Variants in ATPSCKMT observed in about 807,000 individuals in gnomAD.
ATPSCKMT encodes ATP synthase subunit C lysine N-methyltransferase.
In ATPSCKMT, 24 loss-of-function variants were observed where a neutral mutation model predicts 24.3. The ratio of observed to expected loss-of-function variants is 0.99; its 90% CI spans 0.71 to 1.39. ATPSCKMT has a LOEUF of 1.39. ATPSCKMT is among the 40% of genes most tolerant of loss of function. ATPSCKMT has a pLI of 0.00. For synonymous variants in ATPSCKMT, 95 were observed against 110.5 expected, an observed-to-expected ratio of 0.86 and a Z score of 0.88; for missense variants, 311 against 298.4, an observed-to-expected ratio of 1.04 and a Z score of -0.31.
chr5:10,230,368 T>G (rs1187711811), intron 4 of ATPSCKMT, among the ~76,000 whole-genome samples: 1 of 152,218 alleles, frequency 6.6e-6, no homozygotes, highest in Non-Finnish European at 1.5e-5. Context: ...TATGGTAATT[T>G]TGTTCATAAA....
chr5:10,235,159 G>A (rs372156154), intron 4 of ATPSCKMT, 52 bp downstream of exon 4: 3 of 1,560,062 alleles, frequency 1.9e-6, no homozygotes, highest in Non-Finnish European at 2.6e-6. Context: ...TGGCTGGAAG[G>A]GCCTTCAACA....
At chr5:10,246,526 G>A (rs1219702186) in intron 1 of ATPSCKMT, among the ~76,000 whole-genome samples, 2 of 152,026 alleles carry the variant, frequency 1.3e-5, no homozygotes, top group African/African-American at 2.4e-5. Context: ...GTGGACTTCT[G>A]TAACTGACAT....
At position 10,227,298 on chromosome 5, in the gene ATPSCKMT, T is replaced by G; in HGVS notation, c.*143A>C. On this transcript the variant is annotated 3_prime_UTR_variant, in exon 5 of 5. Coordinates refer to ENST00000511437, the MANE Select transcript of ATPSCKMT (RefSeq NM_199133.4). ...AAATCTACCTGTTTTTCTTCGTTTG[T>G]TTTCTCCAACAGTTAAGGAAAGTAA... is the stretch of plus-strand genomic sequence containing the variant. 2.3e-6 allele frequency: 2 copies of G among 867,138 alleles called. No individual in the cohort carries two copies. The highest frequency in any genetic ancestry group is 3.4e-6 in the Non-Finnish European group (2 of 581,168). 53.7% of individuals were successfully genotyped at this position (867,138 alleles called of 1,614,324 possible). A position where few individuals can be genotyped will look rare whatever the true frequency, so the allele number is the denominator to read the frequency against.
rs1446579316 is a variant in ATPSCKMT, at chr5:10,249,681, G to T, written c.16+177C>A. ...GCCGACAAGGATCGCCAGAACCGGC[G>T]CGGGCACCGCGCGGCGACCAGGAGC... On this transcript the variant is annotated intron_variant, in intron 1 of 4. Coordinates refer to ENST00000511437, the MANE Select transcript of ATPSCKMT (RefSeq NM_199133.4). 4.9e-6 allele frequency: 5 copies of T among 1,025,232 alleles called. No individual in the cohort carries two copies. The Admixed American group carries it at 9.4e-5, about 19-fold the overall frequency. The allele number at this position is 1,025,232 out of a possible 1,614,324, so 63.5% of individuals were successfully genotyped here.
At chr5:10,229,445 G>A (rs928890390) in intron 4 of ATPSCKMT, among the ~76,000 whole-genome samples, 5 of 152,220 alleles carry the variant, frequency 3.3e-5, no homozygotes, top group Non-Finnish European at 1.5e-5. Context: ...ACACCCAGGA[G>A]GCCCTTCTGC....
chr5:10,239,165 A>G lies in ATPSCKMT; in HGVS notation c.208T>C (p.Phe70Leu), dbSNP rs1209579371. 6.2e-7 allele frequency: 1 copy of G among 1,614,158 alleles called. No individual in the cohort carries two copies. Residue 70 changes from phenylalanine (F) to leucine (L), a missense_variant, in exon 2 of 5, where the codon TTT becomes CTT. Transcript: ENST00000511437. ...TPALRKVCLP[F>L]VPATTKQIEN... Reference sequence around the variant, plus strand: ...ATCTGCTTCGTAGTTGCAGGTACAAACGGCAAACAGACTTTTCGAAGGGCT... The same window carrying G: ...ATCTGCTTCGTAGTTGCAGGTACAAGCGGCAAACAGACTTTTCGAAGGGCT...
intron 1 of ATPSCKMT, among the ~76,000 whole-genome samples, chr5:10,242,853 T>C (rs1413442351): frequency 1.3e-5 from 2 of 152,122 alleles, no homozygotes; most frequent in Non-Finnish European, 1.5e-5. Context: ...AGCAATTGAG[T>C]AGTAACTAGG....
At chr5:10,234,153 C>A (rs530392718) in intron 4 of ATPSCKMT, among the ~76,000 whole-genome samples, 8 of 152,206 alleles carry the variant, frequency 5.3e-5, no homozygotes, top group African/African-American at 1.9e-4. Context: ...CATGGCAAAA[C>A]CCCACCTCTA....
In ATPSCKMT at chr5:10,225,884, G is replaced by A. The variant is rs908880465; in HGVS notation, c.*1557C>T. On this transcript the variant is annotated 3_prime_UTR_variant, in exon 5 of 5. Transcript: ENST00000511437. The stretch of plus-strand genomic sequence containing the variant: ...AAGGAGCTACCATGGATCCCCCTCC[G>A]AGTGTGCCCAGACCAGTTACAGGAC... Among the ~76,000 whole-genome samples the A allele has an allele frequency of 2.2e-4, 34 of 152,178 alleles. No homozygotes were observed. Among genetic ancestry groups the A allele is most frequent in the African/African-American group, 6.0e-4 (25 of 41,514 alleles).
rs1015907048 is a variant in ATPSCKMT at position 10,226,274 on chromosome 5, T to C, written c.*1167A>G. On this transcript the variant is annotated 3_prime_UTR_variant, in exon 5 of 5. Transcript: ENST00000511437. ...ACAGTAGATACTGAATACATATTTGTTGAATGAATGAATGTGTCCCCAGAT... is the reference window on the plus strand; with the variant it reads ...ACAGTAGATACTGAATACATATTTGCTGAATGAATGAATGTGTCCCCAGAT... 6.6e-6 allele frequency: 1 copy of C among 152,236 alleles called. No homozygotes were observed. Among genetic ancestry groups the C allele is most frequent in the Non-Finnish European group, 1.5e-5 (1 of 68,040 alleles). The allele number at this position is 152,236 out of a possible 1,614,324, so 9.4% of individuals were successfully genotyped here.
chr5:10,234,195 G>T (rs749316790), intron 4 of ATPSCKMT, among the ~76,000 whole-genome samples: 2 of 152,096 alleles, frequency 1.3e-5, no homozygotes, highest in Non-Finnish European at 2.9e-5. Context: ...GGGCGTGGTG[G>T]CAGGTGCCTG....
chr5:10,240,721 C>T (rs1294414737), intron 1 of ATPSCKMT, among the ~76,000 whole-genome samples: 3 of 152,148 alleles, frequency 2.0e-5, no homozygotes, highest in African/African-American at 7.2e-5. Context: ...TATGGCCAGG[C>T]GCAGTGGCTC....
chr5:10,228,446 TAAAG>T (rs754562007), intron 4 of ATPSCKMT, among the ~76,000 whole-genome samples: 26 of 152,218 alleles, frequency 1.7e-4, no homozygotes, highest in Non-Finnish European at 2.9e-4. Context: ...AATCTACCAA[TAAAG>T]AGTTTTTATT....
At chr5:10,248,900 G>A (rs1416758258) in intron 1 of ATPSCKMT, among the ~76,000 whole-genome samples, 5 of 152,138 alleles carry the variant, frequency 3.3e-5, no homozygotes, top group Admixed American at 2.6e-4. Context: ...CTTGGAGGGC[G>A]GGGAGGAAGG....
Position 10,226,395 on chromosome 5 carries a change from G to C in ATPSCKMT, c.*1046C>G, listed in dbSNP as rs1438025244. 6.6e-6 allele frequency: 1 copy of C among 152,186 alleles called. No individual in the cohort carries two copies. Among genetic ancestry groups the C allele is most frequent in the Non-Finnish European group, 1.5e-5 (1 of 68,032 alleles). The allele number at this position is 152,186 out of a possible 1,614,324, so 9.4% of individuals were successfully genotyped here. On this transcript the variant is annotated 3_prime_UTR_variant, in exon 5 of 5. Transcript: ENST00000511437. ...ACTTCATTACATCTCCATTAAGACAGTTTGGTATTTCAGTTACAGGTGTAT... is the reference window on the plus strand; with the variant it reads ...ACTTCATTACATCTCCATTAAGACACTTTGGTATTTCAGTTACAGGTGTAT...
rs1467862108 is a variant in ATPSCKMT, at chr5:10,236,481, C to A, written c.441G>T (p.Trp147Cys). 3.1e-6 allele frequency: 5 copies of A among 1,614,070 alleles called. No homozygotes were observed. The highest frequency in any genetic ancestry group is 3.4e-6 in the Non-Finnish European group (4 of 1,180,016). ...GSAKFYISDL[W>C]KVTFSQYSNV... Reference sequence around the variant, plus strand: ...GGCCATTCTCTGCCTTACATACCTTCCACAAATCTGAAATATAAAATTTGG... The same window carrying A: ...GGCCATTCTCTGCCTTACATACCTTACACAAATCTGAAATATAAAATTTGG... The change falls in exon 3 of 5, where the codon TGG (tryptophan) becomes TGT (cysteine). Residue 147 changes from tryptophan (W) to cysteine (C), a missense_variant. Transcript: ENST00000511437.
chr5:10,244,530 A>G (rs1046451641), intron 1 of ATPSCKMT: 6 of 152,182 alleles, frequency 3.9e-5, no homozygotes, highest in Admixed American at 2.6e-4. Flanking sequence ...TCCTATCTCT[A>G]ACAACAACAA....
intron 4 of ATPSCKMT, among the ~76,000 whole-genome samples, chr5:10,232,669 G>C (rs1035603673): frequency 3.3e-5 from 5 of 152,240 alleles, no homozygotes; most frequent in East Asian, 1.9e-4. Context: ...AACACCCCAG[G>C]CTCTGGGAAG....
intron 3 of ATPSCKMT, among the ~76,000 whole-genome samples, chr5:10,235,785 G>T (rs1165381409): frequency 6.6e-6 from 1 of 152,120 alleles, no homozygotes; most frequent in Non-Finnish European, 1.5e-5. Flanking sequence ...AAACTGGGGG[G>T]AAATGTGCTT....
Sources: gnomAD v4.1 joint callset for allele counts (sites outside exome capture counted in the v4.1 genomes callset) on GRCh38, gnomAD v4.1.1 for gene constraint, MANE v1.5 for transcripts, NCBI Gene and HGNC (gene_info 2026-07-23, HGNC 2026-07-21) for gene names.